Variants in ABCA5 observed in about 807,000 individuals in gnomAD.
ABCA5 encodes cholesterol transporter ABCA5.
A neutral mutation model predicts 206.0 loss-of-function variants in ABCA5; 163 were observed. That is an observed-to-expected ratio of 0.79 (90% CI 0.70 to 0.90). ABCA5 has a LOEUF of 0.90. Ranked by LOEUF, ABCA5 falls within the 40% of genes least tolerant of loss-of-function variation. The pLI is 0.00. For missense variants in ABCA5, 1,859 were observed against 1,912.9 expected (o/e 0.97, Z 0.53); for synonymous variants, 609 against 613.8 (o/e 0.99, Z 0.11).
chr17:69,260,268 A>T, intron 27 of ABCA5, 70 bp downstream of exon 27: 1 of 1,178,294 alleles, frequency 8.5e-7, no homozygotes, highest in Non-Finnish European at 1.2e-6. Context: ...AAAACTAAAC[A>T]TAGTTAAAAC....
chr17:69,250,436 T>C, intron 36 of ABCA5, 36 bp downstream of exon 36: 1 of 1,573,322 alleles, frequency 6.4e-7, no homozygotes, highest in Non-Finnish European at 8.6e-7. Flanking sequence ...ACCTTTGCTC[T>C]ATAAAGAAAT....
chr17:69,279,236 C>A (rs1456044271), intron 18 of ABCA5, among the ~76,000 whole-genome samples: 2 of 152,056 alleles, frequency 1.3e-5, no homozygotes, highest in Non-Finnish European at 2.9e-5. Flanking sequence ...TTCCTATACA[C>A]CAACAACAGA....
intron 14 of ABCA5, among the ~76,000 whole-genome samples, chr17:69,288,782 TTCCATTC>T (rs2075491688): frequency 6.6e-6 from 1 of 151,698 alleles, no homozygotes; most frequent in African/African-American, 2.4e-5. Flanking sequence ...AAGTCTATTC[TTCCATTC>T]TCCTTCCTAA....
In ABCA5 at chr17:69,248,326, A is replaced by C. The variant is rs1346310767; in HGVS notation, c.4766-9T>G. ...GGCAAAAGCATGTTTAGCTATTAAA[A>C]TATAAAAATAGTATTTTACTTATCA... On this transcript the variant is annotated splice_polypyrimidine_tract_variant and intron_variant, in intron 37 of 38. Transcript: ENST00000392676. 1 of 1,508,238 alleles carries C rather than the reference A, an allele frequency of 6.6e-7. No homozygotes were observed. The allele number at this position is 1,508,238 out of a possible 1,614,324, so 93.4% of individuals were successfully genotyped here. A position where few individuals can be genotyped will look rare whatever the true frequency, so the allele number is the denominator to read the frequency against.
intron 18 of ABCA5, among the ~76,000 whole-genome samples, chr17:69,280,071 G>C (rs2075375071): frequency 6.6e-6 from 1 of 152,020 alleles, no homozygotes; most frequent in Non-Finnish European, 1.5e-5. Context: ...CACAGCAAAA[G>C]AAACTACCAT....
intron 11 of ABCA5, among the ~76,000 whole-genome samples, chr17:69,293,756 A>T (rs1162964000): frequency 6.6e-6 from 1 of 151,716 alleles, no homozygotes; most frequent in African/African-American, 2.4e-5. Flanking sequence ...AGATTTCTAC[A>T]TTTACCAGGG....
chr17:69,252,440 C>G (rs569975960), intron 34 of ABCA5, among the ~76,000 whole-genome samples: 1 of 152,176 alleles, frequency 6.6e-6, no homozygotes, highest in East Asian at 1.9e-4. Flanking sequence ...AAAATTGATG[C>G]CTTTTCATGT....
At position 69,274,839 on chromosome 17, in the gene ABCA5, C is replaced by CTTTTTTTTTTTTTTTTTT. The variant is rs3052556; in HGVS notation, c.2595-729_2595-712dup. ...GTCCTGTCTCTATCTTAACCATTTA[C>CTTTTTTTTTTTTTTTTTT]TTTTTTTTTTTTTTTTTTTTTTGAG... On this transcript the variant is annotated intron_variant, in intron 19 of 38. Coordinates refer to ENST00000392676, the MANE Select transcript of ABCA5 (RefSeq NM_172232.4). Among the ~76,000 whole-genome samples, 21 of 85,752 alleles carry CTTTTTTTTTTTTTTTTTT rather than the reference C, an allele frequency of 2.4e-4. 1 individual carries two copies. Among genetic ancestry groups the CTTTTTTTTTTTTTTTTTT allele is most frequent in the African/African-American group, 4.4e-4 (10 of 22,742 alleles). 56.3% of individuals were successfully genotyped at this position (85,752 alleles called of 152,430 possible). A position where few individuals can be genotyped will look rare whatever the true frequency, so the allele number is the denominator to read the frequency against.
intron 1 of ABCA5, chr17:69,318,844 T>C: frequency 1.4e-6 from 1 of 705,446 alleles, no homozygotes; most frequent in Non-Finnish European, 2.6e-6. Flanking sequence ...TTGATCCCTT[T>C]ATGAATCTTG....
rs189531752 is a variant in ABCA5 at position 69,254,276 on chromosome 17, C to T, written c.4244+39G>A. The T allele has an allele frequency of 2.5e-4, 375 of 1,511,384 alleles. No homozygotes were observed. The African/African-American group carries it at 5.0e-3, about 20-fold the overall frequency. The allele number at this position is 1,511,384 out of a possible 1,614,324, so 93.6% of individuals were successfully genotyped here. A position where few individuals can be genotyped will look rare whatever the true frequency, so the allele number is the denominator to read the frequency against. ...TAAAAATATGAAATGCAAACCTTTC[C>T]TCTAAGTAACAAAAGGAATCTAAAG... On this transcript the variant is annotated intron_variant, in intron 32 of 38. Transcript: ENST00000392676.
intron 8 of ABCA5, 92 bp downstream of exon 8, chr17:69,302,626 G>T: frequency 2.4e-6 from 2 of 822,792 alleles, no homozygotes; most frequent in Non-Finnish European, 3.4e-6. Flanking sequence ...TAATTTTTTT[G>T]GTAAATCAAA....
At chr17:69,255,337 C>T (rs1398090106) in intron 31 of ABCA5, among the ~76,000 whole-genome samples, 2 of 152,094 alleles carry the variant, frequency 1.3e-5, no homozygotes, top group Non-Finnish European at 2.9e-5. Context: ...ACTGTATATG[C>T]GTGTGTCTAC....
At chr17:69,257,256 A>G (rs1048615849) in intron 28 of ABCA5, among the ~76,000 whole-genome samples, 1 of 151,826 alleles carries the variant, frequency 6.6e-6, no homozygotes, top group Non-Finnish European at 1.5e-5. Context: ...CTGTAATCCC[A>G]GCTACTTGGG....
intron 24 of ABCA5, among the ~76,000 whole-genome samples, chr17:69,263,825 T>C (rs771769021): frequency 2.0e-5 from 3 of 151,664 alleles, no homozygotes; most frequent in Non-Finnish European, 4.4e-5. Flanking sequence ...GCCTCCTGAG[T>C]AGCTGGGACT....
intron 22 of ABCA5, chr17:69,268,990 G>A (rs2075241772): frequency 6.6e-6 from 1 of 152,194 alleles, no homozygotes; most frequent in African/African-American, 2.4e-5. Flanking sequence ...AGTGCAAGAA[G>A]TGGAAATGAA....
intron 20 of ABCA5, 136 bp from the exon 21 acceptor site, chr17:69,271,425 A>G: frequency 1.1e-6 from 1 of 943,518 alleles, no homozygotes; most frequent in Non-Finnish European, 1.5e-6. Context: ...TTGGCTCTGA[A>G]GCCAGTCAGC....
chr17:69,286,854 T>A (rs1489277751), intron 15 of ABCA5, among the ~76,000 whole-genome samples: 1 of 152,216 alleles, frequency 6.6e-6, no homozygotes, highest in Non-Finnish European at 1.5e-5. Context: ...TTAAAAGTCA[T>A]GTGTTGACTT....
chr17:69,315,903 CA>C (rs1254239094), intron 1 of ABCA5, among the ~76,000 whole-genome samples: 10 of 151,826 alleles, frequency 6.6e-5, no homozygotes, highest in African/African-American at 2.2e-4. Flanking sequence ...AGGGCTTCAG[CA>C]AACAATCGAA....
rs118004579 is a variant in ABCA5 at position 69,250,702 on chromosome 17, T to A, written c.4536-81A>T. Reference sequence around the variant, plus strand: ...ATCTCTCACACATATAACTACATTTTAAAAAAATATACCTTTATATTTAGA... The same window carrying A: ...ATCTCTCACACATATAACTACATTTAAAAAAAATATACCTTTATATTTAGA... On this transcript the variant is annotated intron_variant, in intron 35 of 38. Coordinates refer to ENST00000392676, the MANE Select transcript of ABCA5 (RefSeq NM_172232.4). 1.7e-3 allele frequency: 1,641 copies of A among 986,472 alleles called. 14 individuals are homozygous for A. The East Asian group carries it at 0.019, about 12-fold the overall frequency. The allele number at this position is 986,472 out of a possible 1,614,324, so 61.1% of individuals were successfully genotyped here.
Sources: allele counts gnomAD v4.1 joint callset (sites outside exome capture counted in the v4.1 genomes callset), GRCh38; gene constraint gnomAD v4.1.1; transcripts MANE v1.5; gene names NCBI Gene and HGNC (gene_info 2026-07-23, HGNC 2026-07-21).